The following SLC27A4 variants were observed in gnomAD, a reference collection of about 807,000 sequenced individuals.
The protein encoded by SLC27A4 is solute carrier family 27 member 4.
SLC27A4 carries 33 observed loss-of-function variants against 64.4 expected under a neutral mutation model. The ratio of observed to expected loss-of-function variants is 0.51; its 90% CI spans 0.39 to 0.68. The LOEUF is 0.68. SLC27A4 is among the 30% of genes least tolerant of loss of function. The pLI, the probability that SLC27A4 is intolerant of heterozygous loss-of-function variation, is 0.00. For synonymous variants in SLC27A4, 377 were observed against 370.0 expected (o/e 1.02, Z -0.22); for missense variants, 824 against 883.5 (o/e 0.93, Z 0.85).
At chr9:128,343,352 C>A in intron 2 of SLC27A4, 59 bp downstream of exon 2, 1 of 1,594,234 alleles carries the variant, frequency 6.3e-7, no homozygotes. Context: ...CTTCTGGTCC[C>A]CCAAATCTCC....
rs1207165136 is a variant in SLC27A4, at chr9:128,340,605, C to A, written c.-240C>A. 7 of 267,454 alleles carry A rather than the reference C, an allele frequency of 2.6e-5. No individual in the cohort carries two copies. The highest frequency in any genetic ancestry group is 4.9e-5 in the Non-Finnish European group (7 of 144,016). The allele number at this position is 267,454 out of a possible 1,614,324, so 16.6% of individuals were successfully genotyped here. A position where few individuals can be genotyped will look rare whatever the true frequency, so the allele number is the denominator to read the frequency against. ...GAAGGTGCGGCAGGCGGTGCTGCGG[C>A]CTGGCACAGCAGGTTTGGGGTGCGG... On this transcript the variant is annotated 5_prime_UTR_variant, in exon 1 of 13. Transcript: ENST00000300456.
intron 1 of SLC27A4, among the ~76,000 whole-genome samples, chr9:128,341,436 T>G (rs1378275568): frequency 1.3e-5 from 2 of 152,212 alleles, no homozygotes; most frequent in Non-Finnish European, 2.9e-5. Flanking sequence ...CGCCTTCCCC[T>G]AAGCCCTAGA....
intron 3 of SLC27A4, among the ~76,000 whole-genome samples, chr9:128,346,327 G>A (rs1452171859): frequency 5.9e-5 from 9 of 151,516 alleles, no homozygotes; most frequent in African/African-American, 1.9e-4. Context: ...TCCACCTCCC[G>A]GGTTCAAGCA....
chr9:128,348,094 G>A (rs749605443), intron 3 of SLC27A4, among the ~76,000 whole-genome samples: 1 of 152,150 alleles, frequency 6.6e-6, no homozygotes, highest in African/African-American at 2.4e-5. Context: ...TCTCGGAAGG[G>A]GATGGAGGGC....
chr9:128,354,089 A>G (rs1832781477), intron 9 of SLC27A4, among the ~76,000 whole-genome samples: 2 of 151,978 alleles, frequency 1.3e-5, no homozygotes, highest in African/African-American at 4.8e-5. Flanking sequence ...AATTACAGGC[A>G]AACCCCACCA....
chr9:128,349,665 G>A (rs947661415), intron 4 of SLC27A4, among the ~76,000 whole-genome samples: 3 of 152,248 alleles, frequency 2.0e-5, no homozygotes, highest in African/African-American at 2.4e-5. Context: ...GAGGTGTCTC[G>A]GCAGGCATTC....
intron 9 of SLC27A4, among the ~76,000 whole-genome samples, chr9:128,354,381 C>T (rs557935918): frequency 1.3e-5 from 2 of 152,270 alleles, no homozygotes; most frequent in African/African-American, 4.8e-5. Flanking sequence ...TATCTACAAA[C>T]TGTGCCCATG....
chr9:128,345,138 C>T lies in SLC27A4; in HGVS notation c.162-17C>T. ...CCAACCATGGCAGACACAGCGCCCT[C>T]TCTTGTTCACACACAGTGGCGGCCT... On this transcript the variant is annotated splice_polypyrimidine_tract_variant and intron_variant, in intron 2 of 12. Coordinates refer to ENST00000300456, the MANE Select transcript of SLC27A4 (RefSeq NM_005094.4). The surrounding 1 kb of genome is among the most constrained non-coding windows in gnomAD (Gnocchi z 4.1). 1 of 1,613,274 alleles carries T rather than the reference C, an allele frequency of 6.2e-7. No individual in the cohort carries two copies. The highest frequency in any genetic ancestry group is 8.5e-7 in the Non-Finnish European group (1 of 1,180,022).
In SLC27A4 at chr9:128,361,053, C is replaced by T. The variant is rs565031120; in HGVS notation, c.*562C>T. ...GGTCAGGACCACGCCCCTGGCCTCT[C>T]CCCACTCCCCCATCCTCCTCCCTGG... On this transcript the variant is annotated 3_prime_UTR_variant, in exon 13 of 13. Transcript: ENST00000300456. The T allele has an allele frequency of 2.1e-3, 335 of 161,912 alleles. 1 individual carries two copies. Among genetic ancestry groups the T allele is most frequent in the African/African-American group, 7.6e-3 (318 of 41,646 alleles). The allele number at this position is 161,912 out of a possible 1,614,324, so 10.0% of individuals were successfully genotyped here.
At chr9:128,347,233 T>C (rs1054146913) in intron 3 of SLC27A4, among the ~76,000 whole-genome samples, 2 of 152,242 alleles carry the variant, frequency 1.3e-5, no homozygotes, top group Non-Finnish European at 2.9e-5. Context: ...CTCTAATCTC[T>C]ATAAAGACCG....
At position 128,348,747 on chromosome 9, in the gene SLC27A4, C is replaced by T. The variant is rs374868858; in HGVS notation, c.715+44C>T. On this transcript the variant is annotated intron_variant, in intron 4 of 12. Transcript: ENST00000300456. Reference sequence around the variant, plus strand: ...CCATAGAGGGGCTCTCACACAGGCCCTGGACAGAGCACTGGCCTCAGTGCC... The same window carrying T: ...CCATAGAGGGGCTCTCACACAGGCCTTGGACAGAGCACTGGCCTCAGTGCC... 24 of 1,600,264 alleles carry T rather than the reference C, an allele frequency of 1.5e-5. No homozygotes were observed. The African/African-American group carries it at 1.9e-4, about 12-fold the overall frequency.
chr9:128,346,968 G>GGA (rs1305538572), intron 3 of SLC27A4, among the ~76,000 whole-genome samples: 2 of 152,232 alleles, frequency 1.3e-5, no homozygotes, highest in African/African-American at 4.8e-5. Flanking sequence ...TCACGTCACT[G>GGA]TGTTCCAGCC....
At position 128,353,170 on chromosome 9, in the gene SLC27A4, C is replaced by T. The variant is rs761823526; in HGVS notation, c.1133C>T (p.Pro378Leu). ...AACTTTTCCAGCCGCTTCCACATACCCCAGGTGGCTGAGTTCTACGGGGCC... is the reference window on the plus strand; with the variant it reads ...AACTTTTCCAGCCGCTTCCACATACTCCAGGTGGCTGAGTTCTACGGGGCC... ...WTNFSSRFHI[P>L]QVAEFYGATE... The change falls in exon 8 of 13, where the codon CCC becomes CTC. Residue 378 changes from proline (P) to leucine (L), a missense_variant. Transcript: ENST00000300456. The surrounding 1 kb of genome is among the most constrained non-coding windows in gnomAD (Gnocchi z 4.9). 5.6e-5 allele frequency: 90 copies of T among 1,614,060 alleles called. No homozygotes were observed. Among genetic ancestry groups the T allele is most frequent in the Non-Finnish European group, 4.9e-5 (58 of 1,180,048 alleles).
At chr9:128,354,953 C>CAAAA (rs139411337) in intron 9 of SLC27A4, 100 bp from the exon 10 acceptor site, 58 of 728,270 alleles carry the variant, frequency 8.0e-5, no homozygotes, top group Middle Eastern at 4.8e-4. Flanking sequence ...AACTCCGTCT[C>CAAAA]AAAAAAAAAA....
In SLC27A4 at chr9:128,348,547, A is replaced by T. The variant is rs773728334; in HGVS notation, c.559A>T (p.Ile187Phe). 2 of 1,613,068 alleles carry T rather than the reference A, an allele frequency of 1.2e-6. No homozygotes were observed. Among genetic ancestry groups the T allele is most frequent in the Non-Finnish European group, 1.7e-6 (2 of 1,180,018 alleles). Reference protein sequence around the residue: ...LVFGSEMASAICEVHASLDPS... With the variant: ...LVFGSEMASAFCEVHASLDPS... ...CTGACTGCCCTGTCTCCCCACAGCC[A>T]TCTGTGAGGTCCATGCCAGCCTGGA... The change falls in exon 4 of 13, where the codon ATC (isoleucine) becomes TTC (phenylalanine). Residue 187 changes from isoleucine (I) to phenylalanine (F), a missense_variant and splice_region_variant. Transcript: ENST00000300456.
At chr9:128,355,009 A>G (rs1464732535) in intron 9 of SLC27A4, 44 bp from the exon 10 acceptor site, 2 of 1,521,672 alleles carry the variant, frequency 1.3e-6, no homozygotes, top group Non-Finnish European at 1.8e-6. Flanking sequence ...GACGGGTGGG[A>G]GAGGCTGCCT....
In SLC27A4 at chr9:128,345,005, C is replaced by A; in HGVS notation, c.162-150C>A. 2 of 822,948 alleles carry A rather than the reference C, an allele frequency of 2.4e-6. No individual in the cohort carries two copies. Among genetic ancestry groups the A allele is most frequent in the Non-Finnish European group, 3.9e-6 (2 of 514,608 alleles). 51.0% of individuals were successfully genotyped at this position (822,948 alleles called of 1,614,324 possible). A position where few individuals can be genotyped will look rare whatever the true frequency, so the allele number is the denominator to read the frequency against. On this transcript the variant is annotated intron_variant, in intron 2 of 12. Transcript: ENST00000300456. This position sits in a 1 kb window ranked among gnomAD's most constrained non-coding sequence, Gnocchi z 4.1. ...ATTGAGAGGCATCAGTAAGGCAGTG[C>A]ATGTTCCCAGCAGGAGCCAGGAGAT... is the stretch of plus-strand genomic sequence containing the variant.
chr9:128,350,492 G>A lies in SLC27A4; in HGVS notation c.794G>A (p.Arg265His), dbSNP rs767793401. The part of the protein sequence containing the change: ...AAIVVHSRYY[R>H]MAALVYYGFR... ...GCCCTGTGCCTTCCCAGGTATTACCGCATGGCTGCCCTGGTGTACTATGGA... is the reference window on the plus strand; with the variant it reads ...GCCCTGTGCCTTCCCAGGTATTACCACATGGCTGCCCTGGTGTACTATGGA... The change falls in exon 6 of 13, where the codon CGC (arginine) becomes CAC (histidine). Residue 265 changes from arginine (R) to histidine (H), a missense_variant. Coordinates refer to ENST00000300456, the MANE Select transcript of SLC27A4 (RefSeq NM_005094.4). The A allele has an allele frequency of 3.3e-5, 53 of 1,613,858 alleles. No homozygotes were observed. Among genetic ancestry groups the A allele is most frequent in the Non-Finnish European group, 4.1e-5 (48 of 1,179,928 alleles).
At position 128,345,146 on chromosome 9, in the gene SLC27A4, C is replaced by G. The variant is rs992705345; in HGVS notation, c.162-9C>G. On this transcript the variant is annotated splice_polypyrimidine_tract_variant and intron_variant, in intron 2 of 12. Coordinates refer to ENST00000300456, the MANE Select transcript of SLC27A4 (RefSeq NM_005094.4). This position sits in a 1 kb window ranked among gnomAD's most constrained non-coding sequence, Gnocchi z 4.1. The stretch of plus-strand genomic sequence containing the variant: ...GGCAGACACAGCGCCCTCTCTTGTT[C>G]ACACACAGTGGCGGCCTGGTCCTCC... 1 of 1,613,354 alleles carries G rather than the reference C, an allele frequency of 6.2e-7. No homozygotes were observed. The highest frequency in any genetic ancestry group is 8.5e-7 in the Non-Finnish European group (1 of 1,180,016).
Sources: gnomAD v4.1 joint callset for allele counts (sites outside exome capture counted in the v4.1 genomes callset) on GRCh38, gnomAD v4.1.1 for gene constraint, Gnocchi (gnomAD v3.1) non-coding constraint, MANE v1.5 for transcripts, NCBI Gene and HGNC (gene_info 2026-07-23, HGNC 2026-07-21) for gene names.